Variants in MAPKBP1 observed in about 807,000 individuals in gnomAD.
The protein encoded by MAPKBP1 is mitogen-activated protein kinase-binding protein 1.
Under a neutral mutation model 170.5 loss-of-function variants are expected in MAPKBP1, and 71 were observed. The ratio of observed to expected loss-of-function variants is 0.42; its 90% confidence interval spans 0.34 to 0.51. MAPKBP1 has a LOEUF of 0.51. Among genes scored for constraint, MAPKBP1 ranks in the 20% least tolerant of loss-of-function variants. MAPKBP1 has a pLI of 0.06. For missense variants in MAPKBP1, 1,598 were observed against 1,933.0 expected, an observed-to-expected ratio of 0.83 and a Z score of 3.25; for synonymous variants, 719 against 757.9, an observed-to-expected ratio of 0.95 and a Z score of 0.84.
Position 41,818,334 on chromosome 15 carries a change from A to G in MAPKBP1, c.2092+29A>G. ...AGTGTAGCCTGAATCCCCGAGTAGA[A>G]GCTGATACCTGCGTAAACCTGAGTG... On this transcript the variant is annotated intron_variant, in intron 18 of 30. Transcript: ENST00000457542. The surrounding 1 kb of genome is among the most constrained non-coding windows in gnomAD (Gnocchi z 5.2). 6.4e-7 allele frequency: 1 copy of G among 1,574,098 alleles called. No individual in the cohort carries two copies. Among genetic ancestry groups the G allele is most frequent in the Non-Finnish European group, 8.7e-7 (1 of 1,143,836 alleles).
chr15:41,813,498 C>T (rs529114847), intron 8 of MAPKBP1, 123 bp from the exon 9 acceptor site: 157 of 1,429,106 alleles, frequency 1.1e-4, no homozygotes, highest in Non-Finnish European at 1.1e-4. Flanking sequence ...GGCAGCTGGG[C>T]GGCTTTTCCC....
chr15:41,809,336 A>G (rs945842549), intron 3 of MAPKBP1, among the ~76,000 whole-genome samples: 17 of 152,204 alleles, frequency 1.1e-4, no homozygotes, highest in African/African-American at 3.9e-4. Flanking sequence ...CAGGAATTCC[A>G]CAGCTGTTGG....
chr15:41,806,335 T>A (rs1224434547), intron 3 of MAPKBP1, among the ~76,000 whole-genome samples: 1 of 152,196 alleles, frequency 6.6e-6, no homozygotes, highest in Non-Finnish European at 1.5e-5. Flanking sequence ...CATGCTTCTG[T>A]GAGTCATTCT....
At chr15:41,784,954 G>C (rs1329347847) in intron 2 of MAPKBP1, among the ~76,000 whole-genome samples, 1 of 150,414 alleles carries the variant, frequency 6.6e-6, no homozygotes, top group Non-Finnish European at 1.5e-5. Flanking sequence ...TGTAGTCCCA[G>C]CTACTTAGGA....
Position 41,814,573 on chromosome 15 carries a change from A to C in MAPKBP1, c.1004A>C (p.Asn335Thr), listed in dbSNP as rs1382423673. The stretch of plus-strand genomic sequence containing the variant: ...AGTCGCCTCTTCTCTGGAGTGGCGA[A>C]TGCCAGGTATCCAGACACCATTGCC... Reference protein sequence around the residue: ...EASRLFSGVANARYPDTIALT... With the variant: ...EASRLFSGVATARYPDTIALT... The change falls in exon 10 of 31, where the codon AAT becomes ACT. Residue 335 changes from asparagine (N) to threonine (T), a missense_variant. Physicochemically the swap from Asn to Thr is moderately conservative, Grantham distance 65 (BLOSUM62 0). Transcript: ENST00000457542. The C allele has an allele frequency of 6.2e-7, 1 of 1,614,104 alleles. No individual in the cohort carries two copies. Among genetic ancestry groups the C allele is most frequent in the South Asian group, 1.1e-5 (1 of 91,070 alleles).
rs372055130 is a variant in MAPKBP1, at chr15:41,774,585, G to A, written c.-135G>A. Reference sequence around the variant, plus strand: ...CGCGATGCCCGAGGGCGCTGTGAGCGGGGTGGCCTTAGCTCGCCGAGGCTG... The same window carrying A: ...CGCGATGCCCGAGGGCGCTGTGAGCAGGGTGGCCTTAGCTCGCCGAGGCTG... On this transcript the variant is annotated 5_prime_UTR_variant, in exon 1 of 31. Coordinates refer to ENST00000457542, the MANE Select transcript of MAPKBP1 (RefSeq NM_014994.3). 1 of 398,714 alleles carries A rather than the reference G, an allele frequency of 2.5e-6. No individual in the cohort carries two copies. Among genetic ancestry groups the A allele is most frequent in the Non-Finnish European group, 4.4e-6 (1 of 226,122 alleles). 24.7% of individuals were successfully genotyped at this position (398,714 alleles called of 1,614,324 possible). A position where few individuals can be genotyped will look rare whatever the true frequency, so the allele number is the denominator to read the frequency against.
chr15:41,786,095 T>C (rs973901689), intron 2 of MAPKBP1, among the ~76,000 whole-genome samples: 1 of 152,104 alleles, frequency 6.6e-6, no homozygotes, highest in South Asian at 2.1e-4. Context: ...ATACAAGATA[T>C]CTTGAATGGG....
At chr15:41,778,100 G>A (rs144541947) in intron 2 of MAPKBP1, among the ~76,000 whole-genome samples, 335 of 152,270 alleles carry the variant, frequency 2.2e-3, no homozygotes, top group Non-Finnish European at 3.5e-3. Flanking sequence ...ATTTCCTAAG[G>A]ATCGGGGTCA....
At chr15:41,824,323 T>G (rs2065052380) in intron 29 of MAPKBP1, among the ~76,000 whole-genome samples, 161 bp from the exon 30 acceptor site, 1 of 151,986 alleles carries the variant, frequency 6.6e-6, no homozygotes, top group Admixed American at 6.6e-5. Flanking sequence ...GTTTGTGTGG[T>G]GTTGGGGAGG....
At chr15:41,785,204 C>T (rs1015590710) in intron 2 of MAPKBP1, among the ~76,000 whole-genome samples, 2 of 152,170 alleles carry the variant, frequency 1.3e-5, no homozygotes, top group African/African-American at 4.8e-5. Flanking sequence ...TGTGAGAGGT[C>T]CTTTTTTGTA....
At chr15:41,780,552 G>T (rs2064168539) in intron 2 of MAPKBP1, among the ~76,000 whole-genome samples, 1 of 152,230 alleles carries the variant, frequency 6.6e-6, no homozygotes. Flanking sequence ...AGTGTTTTCA[G>T]AAGGATTTGT....
intron 2 of MAPKBP1, among the ~76,000 whole-genome samples, chr15:41,781,967 G>C (rs1417464290): frequency 6.6e-6 from 1 of 151,902 alleles, no homozygotes; most frequent in African/African-American, 2.4e-5. Flanking sequence ...ATGAAATACA[G>C]GCCGGGCGCA....
intron 22 of MAPKBP1, 25 bp downstream of exon 22, chr15:41,819,675 C>T (rs1478476209): frequency 2.5e-6 from 4 of 1,600,358 alleles, no homozygotes; most frequent in South Asian, 1.1e-5. Flanking sequence ...TTAAAATGTT[C>T]TTCCAAGGTT....
chr15:41,807,995 C>T (rs1228917610), intron 3 of MAPKBP1, among the ~76,000 whole-genome samples: 1 of 150,292 alleles, frequency 6.7e-6, no homozygotes, highest in Admixed American at 6.6e-5. Flanking sequence ...GCCGAGATCA[C>T]GCCACTGCAC....
At chr15:41,787,665 C>A (rs777914118) in intron 2 of MAPKBP1, among the ~76,000 whole-genome samples, 26 of 151,872 alleles carry the variant, frequency 1.7e-4, no homozygotes, top group Admixed American at 7.9e-4. Context: ...CACGCCCGGC[C>A]GCGAACACAT....
chr15:41,817,162 G>A lies in MAPKBP1; in HGVS notation c.1711+127G>A. 6.9e-7 allele frequency: 1 copy of A among 1,439,204 alleles called. No homozygotes were observed. Among genetic ancestry groups the A allele is most frequent in the South Asian group, 1.4e-5 (1 of 72,762 alleles). The allele number at this position is 1,439,204 out of a possible 1,614,324, so 89.2% of individuals were successfully genotyped here. A position where few individuals can be genotyped will look rare whatever the true frequency, so the allele number is the denominator to read the frequency against. ...GACAGCAGCTGGGAGGCCTGGAGCT[G>A]GTTGGGAAGATAGGTGGAACAGAGA... is the stretch of plus-strand genomic sequence containing the variant. On this transcript the variant is annotated intron_variant, in intron 14 of 30. Coordinates refer to ENST00000457542, the MANE Select transcript of MAPKBP1 (RefSeq NM_014994.3). This position sits in a 1 kb window ranked among gnomAD's most constrained non-coding sequence, Gnocchi z 4.2.
rs1385805095 is a variant in MAPKBP1 at position 41,825,884 on chromosome 15, A to G, written c.*448A>G. ...GCCCGTCAGCCAACTGTGGGCCTTC[A>G]CCTCTACCTGCACTTCCCCTCTCAC... On this transcript the variant is annotated 3_prime_UTR_variant, in exon 31 of 31. Coordinates refer to ENST00000457542, the MANE Select transcript of MAPKBP1 (RefSeq NM_014994.3). 1 of 154,100 alleles carries G rather than the reference A, an allele frequency of 6.5e-6. No individual in the cohort carries two copies. Among genetic ancestry groups the G allele is most frequent in the Non-Finnish European group, 1.4e-5 (1 of 69,160 alleles). The allele number at this position is 154,100 out of a possible 1,614,324, so 9.5% of individuals were successfully genotyped here.
chr15:41,782,372 G>T (rs2064205931), intron 2 of MAPKBP1, among the ~76,000 whole-genome samples: 1 of 152,012 alleles, frequency 6.6e-6, no homozygotes, highest in South Asian at 2.1e-4. Flanking sequence ...CTGCCCAAGT[G>T]AAAAAATAGA....
Position 41,816,662 on chromosome 15 carries a change from G to T in MAPKBP1, c.1585+12G>T, listed in dbSNP as rs375332236. The stretch of plus-strand genomic sequence containing the variant: ...TAAGCCAGACACAGGTTAGGAGAAT[G>T]CCCGGAATGGCACAGGGCTCCTCCA... On this transcript the variant is annotated intron_variant, in intron 13 of 30. Transcript: ENST00000457542. The T allele has an allele frequency of 1.9e-6, 3 of 1,611,032 alleles. No homozygotes were observed. The highest frequency in any genetic ancestry group is 2.5e-6 in the Non-Finnish European group (3 of 1,177,990).
Sources: allele counts gnomAD v4.1 joint callset (sites outside exome capture counted in the v4.1 genomes callset), GRCh38; gene constraint gnomAD v4.1.1; non-coding constraint Gnocchi (gnomAD v3.1); transcripts MANE v1.5; gene names NCBI Gene and HGNC (gene_info 2026-07-23, HGNC 2026-07-21).